Variants in RUBCNL observed in about 807,000 individuals in gnomAD.
RUBCNL encodes the protein protein associated with UVRAG as autophagy enhancer.
RUBCNL carries 62 observed loss-of-function variants against 69.5 expected under a neutral mutation model. The observed-to-expected ratio is 0.89, with a 90% CI of 0.73 to 1.10. The LOEUF (loss-of-function observed/expected upper bound fraction) is 1.10. Among genes scored for constraint, RUBCNL ranks in the 50% least tolerant of loss-of-function variants. The pLI is 0.00. For synonymous variants in RUBCNL, 291 were observed against 303.6 expected (o/e 0.96, Z 0.43); for missense variants, 768 against 798.1 (o/e 0.96, Z 0.45).
chr13:46,361,529 T>C lies in RUBCNL; in HGVS notation c.1031A>G (p.Lys344Arg). ...PDFNSAELLA[K>R]ELYRVFQKCW... is the part of the protein sequence containing the mutation. ...CTTCTGGAACACGCGGTACAGCTCT[T>C]TGGCTAATAGTTCTGCAGAATTGAA... The change falls in exon 8 of 15, where the codon AAA (lysine) becomes AGA (arginine). Residue 344 changes from lysine to arginine, a missense_variant. By Grantham distance (26) the Lys-to-Arg change is conservative. Coordinates refer to ENST00000429979, the MANE Select transcript of RUBCNL (RefSeq NM_025113.5). The C allele has an allele frequency of 6.2e-7, 1 of 1,611,558 alleles. No individual in the cohort carries two copies. The highest frequency in any genetic ancestry group is 8.5e-7 in the Non-Finnish European group (1 of 1,178,646).
rs1458364865 is a variant in RUBCNL at position 46,347,853 on chromosome 13, T to C, written c.1631+1433A>G. The stretch of plus-strand genomic sequence containing the variant: ...AAAAACACACAAAAAATTAGCCGGA[T>C]GTGGTTGCGGGCGCCTGTAGTCCCA... On this transcript the variant is annotated intron_variant, in intron 12 of 14. Transcript: ENST00000429979. Among the ~76,000 whole-genome samples, 11 of 152,020 alleles carry C rather than the reference T, an allele frequency of 7.2e-5. No individual in the cohort carries two copies. In the East Asian group the frequency reaches 2.1e-3, roughly 30 times the overall value.
At chr13:46,347,900 G>A (rs559402260) in intron 12 of RUBCNL, among the ~76,000 whole-genome samples, 8 of 152,182 alleles carry the variant, frequency 5.3e-5, no homozygotes, top group Non-Finnish European at 1.2e-4. Flanking sequence ...GGCTGAGGCA[G>A]GAGACTGGCG....
chr13:46,354,890 G>C (rs1410586167), intron 10 of RUBCNL: 1 of 456,438 alleles, frequency 2.2e-6, no homozygotes, highest in Non-Finnish European at 4.4e-6. Flanking sequence ...AAAGTTGGTG[G>C]AGCGATAGTC....
rs1411107886 is a variant in RUBCNL at position 46,335,047 on chromosome 13, C to G, written c.*8338G>C. Among the ~76,000 whole-genome samples the G allele has an allele frequency of 6.6e-6, 1 of 151,600 alleles. No homozygotes were observed. The highest frequency in any genetic ancestry group is 6.6e-5 in the Admixed American group (1 of 15,206). ...GGTGCAGGTCAAGCCCAACAGGAAA[C>G]CTACTTGGGTAAAGAATTTGGACTT... On this transcript the variant is annotated 3_prime_UTR_variant, in exon 15 of 15. Coordinates refer to ENST00000429979, the MANE Select transcript of RUBCNL (RefSeq NM_025113.5).
At chr13:46,359,205 CTATT>C (rs1291079678) in intron 9 of RUBCNL, among the ~76,000 whole-genome samples, 3 of 151,592 alleles carry the variant, frequency 2.0e-5, no homozygotes, top group African/African-American at 7.3e-5. Flanking sequence ...CCCTTTAAGC[CTATT>C]TAATTTTCAG....
intron 12 of RUBCNL, among the ~76,000 whole-genome samples, chr13:46,348,868 C>T (rs977285198): frequency 6.6e-6 from 1 of 152,112 alleles, no homozygotes; most frequent in Non-Finnish European, 1.5e-5. Flanking sequence ...TCCCAAAGTA[C>T]TGGGATTACA....
At chr13:46,367,471 A>T (rs1664002578) in intron 5 of RUBCNL, among the ~76,000 whole-genome samples, 1 of 152,248 alleles carries the variant, frequency 6.6e-6, no homozygotes, top group Non-Finnish European at 1.5e-5. Flanking sequence ...AAAGAAAAGT[A>T]GGATGAAGTC....
chr13:46,361,760 C>A (rs1031638080), intron 7 of RUBCNL, among the ~76,000 whole-genome samples, 187 bp from the exon 8 acceptor site: 5 of 152,030 alleles, frequency 3.3e-5, no homozygotes, highest in Admixed American at 6.6e-5. Flanking sequence ...ATAAATAAAG[C>A]ATCTTTTATT....
intron 9 of RUBCNL, among the ~76,000 whole-genome samples, chr13:46,358,232 G>A (rs898273996): frequency 1.3e-5 from 2 of 152,190 alleles, no homozygotes; most frequent in Admixed American, 6.5e-5. Context: ...AGTCTATAAG[G>A]CACCTCCGTG....
chr13:46,368,358 C>T, intron 4 of RUBCNL, 109 bp from the exon 5 acceptor site: 11 of 1,407,154 alleles, frequency 7.8e-6, no homozygotes, highest in Non-Finnish European at 1.0e-5. Context: ...TAATGCATAT[C>T]AGTATAAATA....
In RUBCNL at chr13:46,359,497, A is replaced by G. The variant is rs188803583; in HGVS notation, c.1254T>C (p.His418=). ...CAGCCCATACTTACTTGAGTGGTGG[A>G]TGAATATTAAATATGATTTGAAATC... ...PPRFQIIFNI[H]PPLKRDLVVA... is the part of the protein sequence containing the mutation. Residue 418 remains histidine, a synonymous_variant, in exon 9 of 15, where the codon CAT becomes CAC. Coordinates refer to ENST00000429979, the MANE Select transcript of RUBCNL (RefSeq NM_025113.5). The G allele has an allele frequency of 2.1e-5, 34 of 1,602,928 alleles. No individual in the cohort carries two copies. The African/African-American group carries it at 4.3e-4, about 20-fold the overall frequency.
At position 46,368,754 on chromosome 13, in the gene RUBCNL, C is replaced by A; in HGVS notation, c.597G>T (p.Val199=). The A allele has an allele frequency of 1.2e-6, 2 of 1,613,728 alleles. No individual in the cohort carries two copies. Among genetic ancestry groups the A allele is most frequent in the Non-Finnish European group, 1.7e-6 (2 of 1,179,754 alleles). ...SSNSFSPEVF[V]LPVDVEKENA... ...TCACCTTTTCTACATCAACAGGCAG[C>A]ACAAATACCTCTGGTGAGAAGGAAT... The change falls in exon 4 of 15, where the codon GTG becomes GTT. Residue 199 remains valine (V), a synonymous_variant. Coordinates refer to ENST00000429979, the MANE Select transcript of RUBCNL (RefSeq NM_025113.5).
At chr13:46,368,904 A>C (rs777260585) in intron 3 of RUBCNL, 89 bp from the exon 4 acceptor site, 5 of 899,578 alleles carry the variant, frequency 5.6e-6, no homozygotes, top group Non-Finnish European at 8.8e-6. Flanking sequence ...GTGGCTTTTA[A>C]ATAATGTAAA....
rs761838203 is a variant in RUBCNL at position 46,345,646 on chromosome 13, G to T, written c.1632-46C>A. On this transcript the variant is annotated intron_variant, in intron 12 of 14. Coordinates refer to ENST00000429979, the MANE Select transcript of RUBCNL (RefSeq NM_025113.5). ...AGGAATTCAGAAACCCACCCACACA[G>T]AGGACAGGGAAGAATGGGGCCAGTT... 7 of 1,585,582 alleles carry T rather than the reference G, an allele frequency of 4.4e-6. No individual in the cohort carries two copies. The East Asian group carries it at 1.6e-4, about 36-fold the overall frequency.
chr13:46,387,612 C>G (rs1345421333), upstream of RUBCNL: 1 of 985,340 alleles, frequency 1.0e-6, no homozygotes, highest in Non-Finnish European at 1.2e-6. Context: ...AGCAGTCATA[C>G]AATTGCCTGA....
chr13:46,356,896 T>A (rs1224840054), intron 9 of RUBCNL, among the ~76,000 whole-genome samples: 2 of 150,134 alleles, frequency 1.3e-5, no homozygotes, highest in African/African-American at 4.9e-5. Flanking sequence ...TATTTACTTT[T>A]TTTTTTTTTT....
rs747173963 is a variant in RUBCNL, at chr13:46,350,275, C to T, written c.1407G>A (p.Ser469=). The change falls in exon 11 of 15, where the codon TCG becomes TCA. Residue 469 remains serine (S), a synonymous_variant. Transcript: ENST00000429979. The part of the protein sequence containing the change: ...FCDCCHSYAE[S]CIPARILMMW... ...TCATCAGGATTCGGGCAGGGATGCA[C>T]GACTCTGCATATGAGTGGCAGCAGT... The T allele has an allele frequency of 2.2e-5, 35 of 1,587,152 alleles. No homozygotes were observed. Among genetic ancestry groups the T allele is most frequent in the African/African-American group, 5.4e-5 (4 of 74,438 alleles).
chr13:46,376,080 T>C (rs937921050), intron 2 of RUBCNL, among the ~76,000 whole-genome samples: 1 of 152,214 alleles, frequency 6.6e-6, no homozygotes, highest in Admixed American at 6.5e-5. Flanking sequence ...AATGCTTATA[T>C]AGTATTATAC....
In RUBCNL at chr13:46,368,123, G is replaced by A; in HGVS notation, c.745C>T (p.Gln249Ter). Residue 249 changes from glutamine to a stop codon, truncating the protein, a stop_gained, in exon 5 of 15, where the codon CAG becomes TAG. Coordinates refer to ENST00000429979, the MANE Select transcript of RUBCNL (RefSeq NM_025113.5). LOFTEE classifies it high-confidence loss of function. ...TCAAAAGTCATTTCAGAGTCAGGCT[G>A]ATCACTCCCAAGTAACCCACTGACT... Reference protein sequence around the residue: ...KEVSGLLGSDQPDSEMTFDTN... With the variant: ...KEVSGLLGSD The A allele has an allele frequency of 1.2e-6, 2 of 1,613,972 alleles. No individual in the cohort carries two copies. Among genetic ancestry groups the A allele is most frequent in the Non-Finnish European group, 1.7e-6 (2 of 1,179,894 alleles).
Sources: allele counts gnomAD v4.1 joint callset (sites outside exome capture counted in the v4.1 genomes callset), GRCh38; gene constraint gnomAD v4.1.1; transcripts MANE v1.5; gene names NCBI Gene and HGNC (gene_info 2026-07-23, HGNC 2026-07-21).